Variants in HEMGN observed in about 807,000 individuals in gnomAD.
HEMGN encodes the protein hemogen.
In HEMGN, 32 loss-of-function variants were observed where a neutral mutation model predicts 45.7. The ratio of observed to expected loss-of-function variants is 0.70; its 90% CI spans 0.53 to 0.94. The LOEUF (loss-of-function observed/expected upper bound fraction) is 0.94. Among genes scored for constraint, HEMGN ranks in the 40% least tolerant of loss-of-function variants. The pLI is 0.00. For synonymous variants in HEMGN, 183 were observed against 178.6 expected, an observed-to-expected ratio of 1.02 and a Z score of -0.20; for missense variants, 530 against 564.2, an observed-to-expected ratio of 0.94 and a Z score of 0.61.
upstream of HEMGN, among the ~76,000 whole-genome samples, chr9:97,940,287 T>C (rs1460336799): frequency 1.3e-5 from 2 of 152,204 alleles, no homozygotes; most frequent in African/African-American, 4.8e-5. Context: ...TACATCTGTA[T>C]TGCAAGGAAA....
In HEMGN at chr9:97,933,511, A is replaced by T. The variant is rs62574056; in HGVS notation, c.174-2290T>A. On this transcript the variant is annotated intron_variant, in intron 2 of 3. Transcript: ENST00000616898. ...TGCACAGATAAGGAGCCGTGCCTGG[A>T]TTGCAGGTCTAGAAACCCTGAGTAT... is the stretch of plus-strand genomic sequence containing the variant. Among the ~76,000 whole-genome samples, 644 of 152,334 alleles carry T rather than the reference A, an allele frequency of 4.2e-3. 4 individuals carry two copies. Among genetic ancestry groups the T allele is most frequent in the Non-Finnish European group, 6.9e-3 (471 of 68,032 alleles).
At position 97,936,142 on chromosome 9, in the gene HEMGN, G is replaced by T. The variant is rs200788671; in HGVS notation, c.173+29C>A. 1.4e-4 allele frequency: 190 copies of T among 1,394,192 alleles called. 1 individual carries two copies. In the East Asian group the frequency reaches 3.4e-3, roughly 25 times the overall value. The allele number at this position is 1,394,192 out of a possible 1,614,324, so 86.4% of individuals were successfully genotyped here. A position where few individuals can be genotyped will look rare whatever the true frequency, so the allele number is the denominator to read the frequency against. On this transcript the variant is annotated intron_variant, in intron 2 of 3. Transcript: ENST00000616898. ...CATAACATCCTCAATAAATATATTA[G>T]TTCCCTTTCCCTTGTGATGCTACCA... is the stretch of plus-strand genomic sequence containing the variant.
Position 97,931,002 on chromosome 9 carries a change from T to G in HEMGN, c.393A>C (p.Glu131Asp). The change falls in exon 3 of 4, where the codon GAA becomes GAC. Residue 131 changes from glutamate to aspartate, a missense_variant. By Grantham distance (45) the Glu-to-Asp change is conservative. Transcript: ENST00000616898. The stretch of plus-strand genomic sequence containing the variant: ...TTTCTTGACATATTTCAGAAAAGTG[T>G]TCCTCAGGCACAACTTTTTGCGGGG... ...VASPQKVVPE[E>D]HFSEICQESN... The G allele has an allele frequency of 6.2e-7, 1 of 1,614,156 alleles. No individual in the cohort carries two copies. Among genetic ancestry groups the G allele is most frequent in the Non-Finnish European group, 8.5e-7 (1 of 1,180,016 alleles).
Position 97,934,635 on chromosome 9 carries a change from T to C in HEMGN, c.173+1536A>G, listed in dbSNP as rs568760922. ...AGGACCCTAATACAAATATTTCTAC[T>C]GTAAAATGATACACGTGTTCCTAAA... On this transcript the variant is annotated intron_variant, in intron 2 of 3. Coordinates refer to ENST00000616898, the MANE Select transcript of HEMGN (RefSeq NM_197978.3). Among the ~76,000 whole-genome samples, 9 of 152,226 alleles carry C rather than the reference T, an allele frequency of 5.9e-5. No homozygotes were observed. In the South Asian group the frequency reaches 1.9e-3, roughly 32 times the overall value.
rs750904964 is a variant in HEMGN at position 97,930,244 on chromosome 9, A to G, written c.1151T>C (p.Ile384Thr). Residue 384 changes from isoleucine (I) to threonine (T), a missense_variant, in exon 3 of 4, where the codon ATA becomes ACA. Coordinates refer to ENST00000616898, the MANE Select transcript of HEMGN (RefSeq NM_197978.3). ...IPGLEEYSPEIYQETSQLEEY... is the reference protein window; with the variant it reads ...IPGLEEYSPETYQETSQLEEY... Reference sequence around the variant, plus strand: ...TTCAAGCTGGGATGTTTCTTGGTATATTTCAGGTGAATATTCTTCAAGCCC... The same window carrying G: ...TTCAAGCTGGGATGTTTCTTGGTATGTTTCAGGTGAATATTCTTCAAGCCC... 4.4e-5 allele frequency: 71 copies of G among 1,613,910 alleles called. No homozygotes were observed. The highest frequency in any genetic ancestry group is 5.5e-5 in the Non-Finnish European group (65 of 1,180,006).
chr9:97,943,692 T>C (rs1827183180), intron 1 of HEMGN, among the ~76,000 whole-genome samples: 1 of 152,312 alleles, frequency 6.6e-6, no homozygotes, highest in East Asian at 1.9e-4. Flanking sequence ...AGCCTCCCCC[T>C]TATCCCTGTC....
intron 2 of HEMGN, among the ~76,000 whole-genome samples, chr9:97,934,121 C>T (rs1327088153): frequency 7.2e-5 from 11 of 152,040 alleles, no homozygotes; most frequent in African/African-American, 2.2e-4. Context: ...CCAAGGTGGG[C>T]GAATCACTTG....
intron 2 of HEMGN, 75 bp downstream of exon 2, chr9:97,936,096 A>G: frequency 1.1e-6 from 1 of 936,916 alleles, no homozygotes; most frequent in Non-Finnish European, 1.8e-6. Flanking sequence ...CAGTGTGTAA[A>G]GTGCACAGCA....
At chr9:97,929,922 GA>G (rs1160583923) in intron 3 of HEMGN, 112 bp downstream of exon 3, 1 of 781,626 alleles carries the variant, frequency 1.3e-6, no homozygotes, top group Admixed American at 2.5e-5. Flanking sequence ...ACTAGTCAAT[GA>G]AATTCACAGT....
chr9:97,934,405 G>GAGA (rs1564122448), intron 2 of HEMGN, among the ~76,000 whole-genome samples: 1 of 133,980 alleles, frequency 7.5e-6, no homozygotes, highest in Non-Finnish European at 1.6e-5. Flanking sequence ...GAGAGGAGAG[G>GAGA]GGAGGAGAGA....
chr9:97,929,745 T>C (rs2043030650), intron 3 of HEMGN, among the ~76,000 whole-genome samples: 1 of 152,244 alleles, frequency 6.6e-6, no homozygotes, highest in Non-Finnish European at 1.5e-5. Context: ...AAAAATATTT[T>C]GCAATAATTC....
chr9:97,940,708 T>C (rs972052885), upstream of HEMGN, among the ~76,000 whole-genome samples: 11 of 152,334 alleles, frequency 7.2e-5, no homozygotes, highest in African/African-American at 2.6e-4. Context: ...TAGAGTTATT[T>C]GCATATATAC....
intron 1 of HEMGN, among the ~76,000 whole-genome samples, chr9:97,937,439 C>T (rs765626854): frequency 5.3e-5 from 8 of 152,008 alleles, no homozygotes; most frequent in Non-Finnish European, 1.0e-4. Flanking sequence ...ATAGTTGTTG[C>T]AGATACCTTA....
Position 97,932,563 on chromosome 9 carries a change from T to C in HEMGN, c.174-1342A>G, listed in dbSNP as rs1826975042. Among the ~76,000 whole-genome samples the C allele has an allele frequency of 2.0e-5, 3 of 152,182 alleles. No homozygotes were observed. In the South Asian group the frequency reaches 6.2e-4, roughly 32 times the overall value. ...GCTCACGCCTGTAATCCCAGCACTC[T>C]GGGAGGCCGAGGCTGGTGGATCACG... On this transcript the variant is annotated intron_variant, in intron 2 of 3. Coordinates refer to ENST00000616898, the MANE Select transcript of HEMGN (RefSeq NM_197978.3).
chr9:97,942,274 CTTTTT>C (rs56055830), upstream of HEMGN, among the ~76,000 whole-genome samples: 3 of 128,186 alleles, frequency 2.3e-5, no homozygotes, highest in African/African-American at 5.7e-5. Context: ...CTAATTCCTT[CTTTTT>C]TTTTTTTTTT....
intron 2 of HEMGN, among the ~76,000 whole-genome samples, chr9:97,935,841 T>A (rs1827047373): frequency 6.6e-6 from 1 of 152,196 alleles, no homozygotes; most frequent in Non-Finnish European, 1.5e-5. Flanking sequence ...TGTTTCCCAC[T>A]CCCAACAGGA....
intron 3 of HEMGN, among the ~76,000 whole-genome samples, chr9:97,929,636 C>T (rs572388324): frequency 2.0e-5 from 3 of 152,170 alleles, no homozygotes; most frequent in Admixed American, 6.6e-5. Flanking sequence ...CTCAGTACTT[C>T]GTACTATGAA....
chr9:97,944,722 A>G (rs948235568), intron 1 of HEMGN: 9 of 152,180 alleles, frequency 5.9e-5, no homozygotes, highest in Non-Finnish European at 1.3e-4. Context: ...CTTTCCCATT[A>G]CTTTCCTGGA....
upstream of HEMGN, among the ~76,000 whole-genome samples, chr9:97,939,439 G>A (rs1392068789): frequency 6.6e-6 from 1 of 152,166 alleles, no homozygotes; most frequent in African/African-American, 2.4e-5. Context: ...TATAAAGAAA[G>A]ACCTTTGTAA....
Sources: gnomAD v4.1 joint callset for allele counts (sites outside exome capture counted in the v4.1 genomes callset) on GRCh38, gnomAD v4.1.1 for gene constraint, MANE v1.5 for transcripts, NCBI Gene and HGNC (gene_info 2026-07-23, HGNC 2026-07-21) for gene names.